PBX4: variants seen among roughly 807,000 people sequenced by gnomAD.
The protein encoded by PBX4 is pre-B-cell leukemia transcription factor 4.
A neutral mutation model predicts 35.1 loss-of-function variants in PBX4; 26 were observed. That is an observed-to-expected ratio of 0.74 (90% confidence interval 0.54 to 1.03). The LOEUF (loss-of-function observed/expected upper bound fraction) is 1.03. Ranked by LOEUF, PBX4 falls within the 50% of genes least tolerant of loss-of-function variation. The pLI, the probability that PBX4 is intolerant of heterozygous loss-of-function variation, is 0.00. For synonymous variants in PBX4, 199 were observed against 204.2 expected (o/e 0.97, Z 0.22); for missense variants, 448 against 504.3 (o/e 0.89, Z 1.07).
rs1331355365 is a variant in PBX4, at chr19:19,563,748, C to T, written c.926-133G>A. ...TCAGCATCCGGCCTCTGCTCCTCAG[C>T]CCCCACCCAGGCAGGCCAGCGGGCC... On this transcript the variant is annotated intron_variant, in intron 6 of 7. Transcript: ENST00000251203. This position sits in a 1 kb window ranked among gnomAD's most constrained non-coding sequence, Gnocchi z 5.1. 2.6e-6 allele frequency: 2 copies of T among 758,210 alleles called. No individual in the cohort carries two copies. The highest frequency in any genetic ancestry group is 4.1e-5 in the Admixed American group (2 of 48,476). The allele number at this position is 758,210 out of a possible 1,614,324, so 47.0% of individuals were successfully genotyped here.
chr19:19,596,254 G>C (rs1415529642), intron 2 of PBX4, among the ~76,000 whole-genome samples: 1 of 151,966 alleles, frequency 6.6e-6, no homozygotes, highest in Non-Finnish European at 1.5e-5. Context: ...AGCCAGGCGT[G>C]GTGGTGCACA....
At chr19:19,594,776 C>T (rs1328751148) in intron 2 of PBX4, among the ~76,000 whole-genome samples, 2 of 152,048 alleles carry the variant, frequency 1.3e-5, no homozygotes, top group Non-Finnish European at 2.9e-5. Context: ...GGCTGGAGTG[C>T]AGTGGCGCAA....
chr19:19,585,145 G>A (rs576353411), intron 2 of PBX4, among the ~76,000 whole-genome samples: 1 of 151,762 alleles, frequency 6.6e-6, no homozygotes, highest in Non-Finnish European at 1.5e-5. Flanking sequence ...GGCCAACATG[G>A]TGAAACCCCA....
intron 1 of PBX4, among the ~76,000 whole-genome samples, chr19:19,600,466 G>C (rs1181556404): frequency 2.0e-5 from 3 of 151,592 alleles, no homozygotes; most frequent in Non-Finnish European, 4.4e-5. Context: ...AGAGGCTGTA[G>C]TGAGCTATGA....
chr19:19,565,047 T>G lies in PBX4; in HGVS notation c.811A>C (p.Asn271His), dbSNP rs2061333152. The G allele has an allele frequency of 6.2e-7, 1 of 1,614,108 alleles. No individual in the cohort carries two copies. The highest frequency in any genetic ancestry group is 1.3e-5 in the African/African-American group (1 of 74,932). ...FGNKRIRYKKNMGKFQEEATI... is the reference protein window; with the variant it reads ...FGNKRIRYKKHMGKFQEEATI... ...GCCTCTTCTTGAAACTTCCCCATGT[T>G]CTTTTTATACCGGATTCTTTTGTTG... Residue 271 changes from asparagine to histidine, a missense_variant, in exon 6 of 8, where the codon AAC becomes CAC. Asn to His is a moderately conservative substitution (Grantham distance 68). Coordinates refer to ENST00000251203, the MANE Select transcript of PBX4 (RefSeq NM_025245.3).
At position 19,570,185 on chromosome 19, in the gene PBX4, T is replaced by C. The variant is rs755515419; in HGVS notation, c.556A>G (p.Ser186Gly). Residue 186 changes from serine to glycine, a missense_variant, in exon 4 of 8, where the codon AGC becomes GGC. Transcript: ENST00000251203. The stretch of plus-strand genomic sequence containing the variant: ...TGCTTCAACTGCATCTGGATGGCGC[T>C]GAACTTGCCGTGAATGGCGCCGACC... ...RMVGAIHGKFSAIQMQLKQST... is the reference protein window; with the variant it reads ...RMVGAIHGKFGAIQMQLKQST... 6 of 1,613,992 alleles carry C rather than the reference T, an allele frequency of 3.7e-6. No individual in the cohort carries two copies. Among genetic ancestry groups the C allele is most frequent in the Non-Finnish European group, 5.1e-6 (6 of 1,180,032 alleles).
chr19:19,575,458 C>G (rs1233171491), intron 2 of PBX4, among the ~76,000 whole-genome samples: 4 of 151,998 alleles, frequency 2.6e-5, no homozygotes, highest in Non-Finnish European at 5.9e-5. Context: ...CGTAATAACC[C>G]TCCCCTCTCC....
intron 1 of PBX4, among the ~76,000 whole-genome samples, chr19:19,616,343 A>G (rs73004975): frequency 0.1 from 15,801 of 152,098 alleles, 942 homozygotes; most frequent in African/African-American, 0.16. Context: ...CTATTTTTTT[A>G]TGGAGACAGA....
At chr19:19,615,336 G>T (rs376791016) in intron 1 of PBX4, among the ~76,000 whole-genome samples, 1 of 151,252 alleles carries the variant, frequency 6.6e-6, no homozygotes, top group African/African-American at 2.4e-5. Context: ...GACAGAGCGC[G>T]GCCTTATATA....
intron 2 of PBX4, among the ~76,000 whole-genome samples, chr19:19,583,586 G>T (rs901736894): frequency 6.6e-6 from 1 of 152,002 alleles, no homozygotes; most frequent in Admixed American, 6.6e-5. Context: ...ACTCCAGCCA[G>T]TTCGACAAAG....
chr19:19,566,159 G>T (rs1025454893), intron 5 of PBX4, among the ~76,000 whole-genome samples: 6 of 152,114 alleles, frequency 3.9e-5, no homozygotes, highest in Non-Finnish European at 7.4e-5. Context: ...GGCCAAGGTG[G>T]AATCAGCCCA....
At chr19:19,616,519 G>A (rs2061689687) in intron 1 of PBX4, among the ~76,000 whole-genome samples, 1 of 151,936 alleles carries the variant, frequency 6.6e-6, no homozygotes, top group African/African-American at 2.4e-5. Context: ...GTTTTGCCAT[G>A]TTGGCCAGGC....
chr19:19,565,924 A>AT (rs2061339024), intron 5 of PBX4, among the ~76,000 whole-genome samples: 1 of 151,926 alleles, frequency 6.6e-6, no homozygotes, highest in Non-Finnish European at 1.5e-5. Context: ...CAGAAAAAAA[A>AT]ATATATTTTT....
intron 1 of PBX4, among the ~76,000 whole-genome samples, chr19:19,613,004 G>A (rs181572839): frequency 2.6e-5 from 4 of 151,944 alleles, no homozygotes; most frequent in African/African-American, 9.6e-5. Flanking sequence ...TGTATTTTTA[G>A]TAGAGGTGGG....
intron 1 of PBX4, among the ~76,000 whole-genome samples, chr19:19,617,931 C>A (rs1294412573): frequency 6.6e-6 from 1 of 151,990 alleles, no homozygotes; most frequent in African/African-American, 2.4e-5. Context: ...TTAGGGAGGC[C>A]GAGACGGAAT....
intron 2 of PBX4, among the ~76,000 whole-genome samples, chr19:19,596,567 T>C (rs1392701317): frequency 3.3e-5 from 5 of 151,918 alleles, no homozygotes; most frequent in Admixed American, 2.6e-4. Context: ...CCAACAGCAA[T>C]GAGCACATCA....
chr19:19,574,639 C>CA (rs2061407738), intron 2 of PBX4, among the ~76,000 whole-genome samples: 1 of 143,774 alleles, frequency 7.0e-6, no homozygotes, highest in African/African-American at 2.5e-5. Flanking sequence ...TTTTTTTTTC[C>CA]TTTTTTTTTT....
intron 2 of PBX4, among the ~76,000 whole-genome samples, chr19:19,597,007 T>A (rs2144765900): frequency 6.9e-6 from 1 of 145,866 alleles, no homozygotes; most frequent in Admixed American, 6.9e-5. Context: ...AGGTCAGGAG[T>A]TCAAGACCAG....
intron 5 of PBX4, among the ~76,000 whole-genome samples, chr19:19,567,148 C>A (rs989705520): frequency 6.6e-6 from 1 of 152,144 alleles, no homozygotes; most frequent in African/African-American, 2.4e-5. Flanking sequence ...ATGGGAGGCC[C>A]CAGAGGCTCC....
Sources: gnomAD v4.1 joint callset for allele counts (sites outside exome capture counted in the v4.1 genomes callset) on GRCh38, gnomAD v4.1.1 for gene constraint, Gnocchi (gnomAD v3.1) non-coding constraint, MANE v1.5 for transcripts, NCBI Gene and HGNC (gene_info 2026-07-23, HGNC 2026-07-21) for gene names.